Variants in NRXN3 observed in about 807,000 individuals in gnomAD.
NRXN3 encodes the protein neurexin III.
Under a neutral mutation model 137.6 loss-of-function variants are expected in NRXN3, and 32 were observed. That is an observed-to-expected ratio of 0.23 (90% CI 0.18 to 0.31). NRXN3 has a LOEUF of 0.31. Ranked by LOEUF, NRXN3 falls within the 10% of genes least tolerant of loss-of-function variation. NRXN3 has a pLI of 1.00. For synonymous variants in NRXN3, 798 were observed against 784.5 expected (o/e 1.02, Z -0.29); for missense variants, 1,574 against 2,062.5 (o/e 0.76, Z 4.59).
chr14:79,177,765 G>A (rs1487222245), intron 15 of NRXN3, among the ~76,000 whole-genome samples: 2 of 152,126 alleles, frequency 1.3e-5, no homozygotes, highest in Non-Finnish European at 2.9e-5. Context: ...AAATGGTAAC[G>A]AAAATGAGAG....
intron 15 of NRXN3, among the ~76,000 whole-genome samples, chr14:79,305,491 G>A (rs578228595): frequency 6.6e-6 from 1 of 152,152 alleles, no homozygotes; most frequent in Admixed American, 6.5e-5. Context: ...ACATTTTACA[G>A]ATGGAAGGAA....
intron 10 of NRXN3, among the ~76,000 whole-genome samples, chr14:78,900,951 G>T (rs1007941990): frequency 6.6e-6 from 1 of 151,960 alleles, no homozygotes; most frequent in Non-Finnish European, 1.5e-5. Flanking sequence ...CAAATGACTC[G>T]CCCAACATCA....
intron 10 of NRXN3, among the ~76,000 whole-genome samples, chr14:78,840,196 A>T (rs1230429287): frequency 1.3e-5 from 2 of 152,170 alleles, no homozygotes; most frequent in African/African-American, 4.8e-5. Context: ...TGGTTTTATG[A>T]TCATCACTGT....
chr14:78,491,504 C>G (rs1017270107), intron 4 of NRXN3, among the ~76,000 whole-genome samples: 5 of 152,140 alleles, frequency 3.3e-5, no homozygotes, highest in African/African-American at 1.2e-4. Context: ...ATTCTCAGGT[C>G]TATTGTAGAG....
chr14:79,298,854 G>A (rs768651972), intron 15 of NRXN3: 4 of 152,276 alleles, frequency 2.6e-5, no homozygotes, highest in Non-Finnish European at 5.9e-5. Context: ...TTAGTTCTGA[G>A]TAGGTGACCA....
At chr14:79,314,105 C>G (rs1335947527) in intron 15 of NRXN3, 1 of 154,410 alleles carries the variant, frequency 6.5e-6, no homozygotes, top group Non-Finnish European at 1.4e-5. Context: ...CAGCTCCCAG[C>G]GTGAGCGACG....
intron 10 of NRXN3, among the ~76,000 whole-genome samples, chr14:78,940,486 T>C (rs566060930): frequency 2.0e-5 from 3 of 152,326 alleles, no homozygotes; most frequent in African/African-American, 7.2e-5. Flanking sequence ...CATTAGACTG[T>C]AAGTAACTTT....
intron 16 of NRXN3, among the ~76,000 whole-genome samples, chr14:79,558,084 C>T (rs536663627): frequency 6.6e-6 from 1 of 152,174 alleles, no homozygotes. Context: ...CATGAGATTG[C>T]AGCAATTCCA....
At chr14:79,310,871 G>C (rs1192668929) in intron 15 of NRXN3, among the ~76,000 whole-genome samples, 5 of 90,428 alleles carry the variant, frequency 5.5e-5, no homozygotes, top group Non-Finnish European at 9.9e-5. Context: ...CAATCATGTC[G>C]TCTGCAAACA....
intron 15 of NRXN3, among the ~76,000 whole-genome samples, chr14:79,404,007 G>T (rs2095261853): frequency 6.6e-6 from 1 of 152,182 alleles, no homozygotes; most frequent in Non-Finnish European, 1.5e-5. Context: ...AGAATAGGAA[G>T]ACAATCTAGG....
chr14:78,458,073 T>C (rs1309220578), intron 4 of NRXN3, among the ~76,000 whole-genome samples: 5 of 152,166 alleles, frequency 3.3e-5, no homozygotes, highest in Non-Finnish European at 5.9e-5. Context: ...TATGAGCAAA[T>C]CTTCAGAGAA....
At chr14:78,451,604 C>A (rs2153706443) in intron 4 of NRXN3, among the ~76,000 whole-genome samples, 1 of 152,294 alleles carries the variant, frequency 6.6e-6, no homozygotes, top group South Asian at 2.1e-4. Context: ...ATAGCCATAG[C>A]ATACATACAT....
At chr14:78,288,301 A>G (rs2075411132) in intron 3 of NRXN3, among the ~76,000 whole-genome samples, 1 of 152,124 alleles carries the variant, frequency 6.6e-6, no homozygotes, top group Non-Finnish European at 1.5e-5. Flanking sequence ...TTTCTAGATT[A>G]GATATCTATT....
intron 16 of NRXN3, among the ~76,000 whole-genome samples, chr14:79,469,526 T>C (rs2096471673): frequency 6.6e-6 from 1 of 152,168 alleles, no homozygotes; most frequent in African/African-American, 2.4e-5. Context: ...AGATTTGACA[T>C]AGTATAATAT....
At chr14:79,420,954 G>A (rs569646746) in intron 15 of NRXN3, among the ~76,000 whole-genome samples, 132 of 152,228 alleles carry the variant, frequency 8.7e-4, no homozygotes, top group Non-Finnish European at 1.5e-3. Context: ...TCTGGGCTGA[G>A]ATAAGAAAAT....
At chr14:78,474,421 G>A (rs2095341180) in intron 4 of NRXN3, among the ~76,000 whole-genome samples, 2 of 152,038 alleles carry the variant, frequency 1.3e-5, no homozygotes, top group South Asian at 4.2e-4. Flanking sequence ...CATCCCTGAG[G>A]CATTTATTAA....
intron 4 of NRXN3, among the ~76,000 whole-genome samples, chr14:78,613,246 G>A (rs938406727): frequency 2.0e-5 from 3 of 152,114 alleles, no homozygotes; most frequent in Non-Finnish European, 2.9e-5. Flanking sequence ...TGTTTGTTTA[G>A]TATTTATGCC....
At chr14:79,562,944 A>C (rs2097513448) in intron 16 of NRXN3, among the ~76,000 whole-genome samples, 1 of 152,122 alleles carries the variant, frequency 6.6e-6, no homozygotes, top group South Asian at 2.1e-4. Context: ...ACATGGAAAA[A>C]ACTTTGGAGA....
chr14:78,343,545 A>T (rs1318497882), intron 4 of NRXN3, among the ~76,000 whole-genome samples: 2 of 152,214 alleles, frequency 1.3e-5, no homozygotes, highest in African/African-American at 4.8e-5. Flanking sequence ...TTTAATTCTT[A>T]CACCAGTTCT....
Sources: gnomAD v4.1 joint callset for allele counts (sites outside exome capture counted in the v4.1 genomes callset) on GRCh38, gnomAD v4.1.1 for gene constraint, MANE v1.5 for transcripts, NCBI Gene and HGNC (gene_info 2026-07-23, HGNC 2026-07-21) for gene names.